REV1: variants seen among roughly 807,000 people sequenced by gnomAD.
REV1 encodes REV1 DNA directed polymerase, also known as translesion synthesis protein REV1.
In REV1, 42 loss-of-function variants were observed where a neutral mutation model predicts 137.4. The ratio of observed to expected loss-of-function variants is 0.31; its 90% CI spans 0.24 to 0.40. The LOEUF (loss-of-function observed/expected upper bound fraction) is 0.40, where lower values mean the gene tolerates loss of function less well. REV1 is among the 10% of genes least tolerant of loss of function. The probability of loss-of-function intolerance (pLI) is 1.00; values close to 1 mark genes in which losing one functional copy is unlikely to be tolerated. For synonymous variants in REV1, 524 were observed against 519.2 expected, an observed-to-expected ratio of 1.01 and a Z score of -0.12; for missense variants, 1,282 against 1,490.1, an observed-to-expected ratio of 0.86 and a Z score of 2.30.
At chr2:99,449,275 A>G in intron 4 of REV1, 61 bp downstream of exon 4, 1 of 1,076,420 alleles carries the variant, frequency 9.3e-7, no homozygotes, top group South Asian at 2.3e-5. Flanking sequence ...AAAAAAATAA[A>G]TAAATAAAAA....
chr2:99,450,474 T>C (rs747973449), intron 3 of REV1, among the ~76,000 whole-genome samples: 9 of 152,246 alleles, frequency 5.9e-5, no homozygotes, highest in East Asian at 5.8e-4. Context: ...CCAAGCAATA[T>C]AGGTCCAAGT....
chr2:99,458,181 C>CA (rs1381396160), intron 3 of REV1, among the ~76,000 whole-genome samples: 1 of 152,026 alleles, frequency 6.6e-6, no homozygotes, highest in Non-Finnish European at 1.5e-5. Context: ...AAAATACCTG[C>CA]AAACCACTTT....
At chr2:99,479,338 A>AC (rs1487173575) in intron 1 of REV1, among the ~76,000 whole-genome samples, 1 of 151,352 alleles carries the variant, frequency 6.6e-6, no homozygotes, top group South Asian at 2.1e-4. Context: ...AAAAAAAAAA[A>AC]AAAAAACAAA....
intron 1 of REV1, among the ~76,000 whole-genome samples, chr2:99,486,569 C>T (rs1687164742): frequency 6.6e-6 from 1 of 151,712 alleles, no homozygotes; most frequent in African/African-American, 2.4e-5. Context: ...ACTTTACATA[C>T]ATTAACTCAA....
chr2:99,436,400 A>T (rs1382143508), intron 6 of REV1, among the ~76,000 whole-genome samples: 1 of 152,204 alleles, frequency 6.6e-6, no homozygotes, highest in Non-Finnish European at 1.5e-5. Context: ...AGGTAATCGT[A>T]TCATCTCCAT....
chr2:99,468,129 G>A (rs182975848), intron 1 of REV1, among the ~76,000 whole-genome samples: 4 of 151,238 alleles, frequency 2.6e-5, no homozygotes, highest in Admixed American at 6.6e-5. Flanking sequence ...GCGGTGAGCC[G>A]AGATTGCACC....
chr2:99,467,703 C>A (rs925226258), intron 1 of REV1, among the ~76,000 whole-genome samples: 1 of 152,146 alleles, frequency 6.6e-6, no homozygotes, highest in Non-Finnish European at 1.5e-5. Context: ...GTAGACAGAC[C>A]AAACTTTGCA....
intron 21 of REV1, 45 bp from the exon 22 acceptor site, chr2:99,402,391 GGA>G (rs1190174542): frequency 2.0e-6 from 2 of 1,002,210 alleles, no homozygotes; most frequent in Non-Finnish European, 3.1e-6. Flanking sequence ...TCTTTTTGAA[GGA>G]GAAAGTCAGA....
chr2:99,478,089 G>A (rs773365275), intron 1 of REV1, among the ~76,000 whole-genome samples: 12 of 152,192 alleles, frequency 7.9e-5, no homozygotes, highest in South Asian at 2.1e-4. Flanking sequence ...AAAATTAGCC[G>A]AGCGTGGTGG....
chr2:99,411,411 CTTTTT>C (rs550532536), intron 13 of REV1, among the ~76,000 whole-genome samples: 1 of 138,654 alleles, frequency 7.2e-6, no homozygotes, highest in Non-Finnish European at 1.5e-5. Context: ...CCTTTCTTTC[CTTTTT>C]TTTTTTTTTG....
At chr2:99,471,600 A>G (rs1685416424) in intron 1 of REV1, among the ~76,000 whole-genome samples, 1 of 152,138 alleles carries the variant, frequency 6.6e-6, no homozygotes, top group African/African-American at 2.4e-5. Context: ...ATCACAGGGC[A>G]AAAAAGGGTT....
At chr2:99,468,623 G>A (rs1256881926) in intron 1 of REV1, among the ~76,000 whole-genome samples, 1 of 152,188 alleles carries the variant, frequency 6.6e-6, no homozygotes. Flanking sequence ...TGATGACCTT[G>A]AGGAATGTGA....
intron 17 of REV1, chr2:99,405,704 AATC>A: frequency 2.5e-6 from 1 of 404,296 alleles, no homozygotes; most frequent in Non-Finnish European, 4.3e-6. Context: ...AAGAGTGGCA[AATC>A]TTTGCAAAAG....
chr2:99,449,045 G>T (rs1410070246), intron 4 of REV1, among the ~76,000 whole-genome samples: 1 of 152,182 alleles, frequency 6.6e-6, no homozygotes, highest in Non-Finnish European at 1.5e-5. Context: ...ACTTTGGGAG[G>T]CCAAGGCTGG....
chr2:99,436,267 C>T (rs555378900), intron 6 of REV1, among the ~76,000 whole-genome samples: 3 of 152,130 alleles, frequency 2.0e-5, no homozygotes, highest in African/African-American at 7.2e-5. Context: ...AATCTACAAA[C>T]GCGCCTGGAT....
chr2:99,432,381 G>A lies in REV1; in HGVS notation c.1438+1951C>T, dbSNP rs570608056. Reference sequence around the variant, plus strand: ...AGCCAAAGATTCTAATTCCTAAACCGATCCTCAATATTTTTATATTTGGTG... The same window carrying A: ...AGCCAAAGATTCTAATTCCTAAACCAATCCTCAATATTTTTATATTTGGTG... On this transcript the variant is annotated intron_variant, in intron 8 of 22. Transcript: ENST00000258428. Among the ~76,000 whole-genome samples, 27 of 151,698 alleles carry A rather than the reference G, an allele frequency of 1.8e-4. No individual in the cohort carries two copies. In the South Asian group the frequency reaches 5.2e-3, roughly 29 times the overall value.
intron 12 of REV1, among the ~76,000 whole-genome samples, chr2:99,416,971 G>A (rs553840300): frequency 5.3e-4 from 80 of 150,042 alleles, no homozygotes; most frequent in African/African-American, 1.8e-3. Context: ...AAATGAAGGT[G>A]AATGGTAGGA....
At chr2:99,442,874 G>A (rs1199596604) in intron 4 of REV1, among the ~76,000 whole-genome samples, 2 of 152,108 alleles carry the variant, frequency 1.3e-5, no homozygotes, top group African/African-American at 2.4e-5. Context: ...AACTTCAAGA[G>A]TAATAATTTA....
Position 99,424,160 on chromosome 2 carries a change from T to C in REV1, c.1668A>G (p.Thr556=), listed in dbSNP as rs773329564. ...AGTTTGATACACTGTACCTTGCCAA[T>C]GTTTCATACAATGTTTGTGCGACTT... ...YKEVAQTLYE[T]LASYTHNIEA... The change falls in exon 10 of 23, where the codon ACA becomes ACG. Residue 556 remains threonine, a synonymous_variant. Transcript: ENST00000258428. 1.9e-6 allele frequency: 3 copies of C among 1,613,800 alleles called. No homozygotes were observed. Among genetic ancestry groups the C allele is most frequent in the Admixed American group, 3.3e-5 (2 of 59,984 alleles).
Sources: gnomAD v4.1 joint callset for allele counts (sites outside exome capture counted in the v4.1 genomes callset) on GRCh38, gnomAD v4.1.1 for gene constraint, MANE v1.5 for transcripts, NCBI Gene and HGNC (gene_info 2026-07-23, HGNC 2026-07-21) for gene names.